The following MITF variants were observed in gnomAD, a reference collection of about 807,000 sequenced individuals.
MITF encodes the protein melanocyte inducing transcription factor.
Under a neutral mutation model 60.5 loss-of-function variants are expected in MITF, and 17 were observed. The ratio of observed to expected loss-of-function variants is 0.28; its 90% CI spans 0.19 to 0.42. The LOEUF is 0.42. MITF is among the 10% of genes least tolerant of loss of function. The probability of loss-of-function intolerance (pLI) is 1.00; values close to 1 mark genes in which losing one functional copy is unlikely to be tolerated. For missense variants in MITF, 622 were observed against 683.5 expected, an observed-to-expected ratio of 0.91 and a Z score of 1.00; for synonymous variants, 260 against 248.5, an observed-to-expected ratio of 1.05 and a Z score of -0.43.
chr3:69,831,812 G>T (rs1428092045), intron 1 of MITF, among the ~76,000 whole-genome samples: 1 of 152,174 alleles, frequency 6.6e-6, no homozygotes, highest in Non-Finnish European at 1.5e-5. Context: ...TTAATCTGGG[G>T]GTTGTGTGCC....
chr3:69,790,094 A>G lies in MITF; in HGVS notation c.104+50393A>G, dbSNP rs75288566. ...ACAATGGAGTATTATTCAGCCTTAA[A>G]AAGGGAGGAAATCCTGTCATATGCC... On this transcript the variant is annotated intron_variant, in intron 1 of 9. Transcript: ENST00000352241. 5.2e-4 allele frequency among the ~76,000 whole-genome samples: 79 copies of G among 152,314 alleles called. No homozygotes were observed. The East Asian group carries it at 0.015, about 29-fold the overall frequency.
At chr3:69,957,974 C>A (rs2066441815) in intron 8 of MITF, among the ~76,000 whole-genome samples, 1 of 152,134 alleles carries the variant, frequency 6.6e-6, no homozygotes, top group African/African-American at 2.4e-5. Flanking sequence ...CCCACCAGAG[C>A]AAGTCTGCAT....
intron 1 of MITF, among the ~76,000 whole-genome samples, chr3:69,871,923 G>A (rs530407809): frequency 1.8e-4 from 28 of 152,158 alleles, no homozygotes; most frequent in Middle Eastern, 3.4e-3. Context: ...TTGCCATGCC[G>A]TATTAATTAC....
At chr3:69,954,829 A>C (rs1304536620) in intron 7 of MITF, among the ~76,000 whole-genome samples, 1 of 152,206 alleles carries the variant, frequency 6.6e-6, no homozygotes, top group African/African-American at 2.4e-5. Flanking sequence ...CCCTCAGCCA[A>C]AACAAACTGC....
intron 1 of MITF, among the ~76,000 whole-genome samples, chr3:69,793,338 AC>A (rs1486755487): frequency 6.6e-6 from 1 of 151,890 alleles, no homozygotes; most frequent in Non-Finnish European, 1.5e-5. Flanking sequence ...TTGCTGATTT[AC>A]CTCTTTGAAT....
intron 1 of MITF, among the ~76,000 whole-genome samples, chr3:69,797,116 G>A (rs549112566): frequency 6.6e-6 from 1 of 152,152 alleles, no homozygotes; most frequent in Non-Finnish European, 1.5e-5. Flanking sequence ...TTAGTCCAGA[G>A]GGTATACCTC....
intron 1 of MITF, among the ~76,000 whole-genome samples, chr3:69,818,299 A>G (rs998517306): frequency 6.6e-6 from 1 of 152,140 alleles, no homozygotes; most frequent in African/African-American, 2.4e-5. Flanking sequence ...ATCCAACTAT[A>G]CTAGACTTTT....
rs773968803 is a variant in MITF, at chr3:69,953,611, G to GTA, written c.955+1737_955+1738dup. On this transcript the variant is annotated intron_variant, in intron 7 of 9. Transcript: ENST00000352241. Reference sequence around the variant, plus strand: ...TGTATATATATATATGTATGTATATGTATATATATATATGTGTGTATATAT... The same window carrying GTA: ...TGTATATATATATATGTATGTATATGTATATATATATATATGTGTGTATATAT... Among the ~76,000 whole-genome samples the GTA allele has an allele frequency of 7.3e-4, 93 of 127,804 alleles. 1 individual carries two copies. Among genetic ancestry groups the GTA allele is most frequent in the Middle Eastern group, 7.8e-3 (2 of 256 alleles). The allele number at this position is 127,804 out of a possible 152,430, so 83.8% of individuals were successfully genotyped here.
At chr3:69,875,612 T>G (rs1181931914) in intron 1 of MITF, among the ~76,000 whole-genome samples, 1 of 152,226 alleles carries the variant, frequency 6.6e-6, no homozygotes, top group Non-Finnish European at 1.5e-5. Context: ...CATCTCTCCT[T>G]GTGTATCATT....
intron 1 of MITF, among the ~76,000 whole-genome samples, chr3:69,816,191 C>T (rs184803646): frequency 6.6e-6 from 1 of 152,234 alleles, no homozygotes; most frequent in Admixed American, 6.5e-5. Flanking sequence ...ACTATTCAGC[C>T]AAAGACTCAG....
At chr3:69,892,334 G>C (rs1035427072) in intron 2 of MITF, among the ~76,000 whole-genome samples, 5 of 152,048 alleles carry the variant, frequency 3.3e-5, no homozygotes, top group African/African-American at 1.2e-4. Flanking sequence ...TAAATTGACC[G>C]GAAGATAAGG....
intron 2 of MITF, among the ~76,000 whole-genome samples, chr3:69,884,084 T>A (rs2064554094): frequency 6.6e-6 from 1 of 152,154 alleles, no homozygotes; most frequent in African/African-American, 2.4e-5. Flanking sequence ...CATAAGGTAA[T>A]TTTCTCTCTC....
In MITF at chr3:69,845,438, C is replaced by CTTTTTTTTT. The variant is rs202135701; in HGVS notation, c.105-33693_105-33692insTTTTTTTTT. ...TCTTTTCTTTTCTTTTTTCTTTTTT[C>CTTTTTTTTT]TTTCTTTTTTTTTTTTTTGCTATTT... On this transcript the variant is annotated intron_variant, in intron 1 of 9. Coordinates refer to ENST00000352241, the MANE Select transcript of MITF (RefSeq NM_001354604.2). Among the ~76,000 whole-genome samples the CTTTTTTTTT allele has an allele frequency of 1.0e-3, 140 of 133,636 alleles. 1 individual carries two copies. The highest frequency in any genetic ancestry group is 1.7e-3 in the Non-Finnish European group (105 of 61,336). The allele number at this position is 133,636 out of a possible 152,430, so 87.7% of individuals were successfully genotyped here.
At position 69,967,704 on chromosome 3, in the gene MITF, G is replaced by A. The variant is rs535915550; in HGVS notation, c.*2456G>A. On this transcript the variant is annotated 3_prime_UTR_variant, in exon 10 of 10. Coordinates refer to ENST00000352241, the MANE Select transcript of MITF (RefSeq NM_001354604.2). ...GCCCAGGAGAATGCTGCAATCTTGGGGGTGGTTTTATTTATTTCTTTTTTG... is the reference window on the plus strand; with the variant it reads ...GCCCAGGAGAATGCTGCAATCTTGGAGGTGGTTTTATTTATTTCTTTTTTG... The A allele has an allele frequency of 4.3e-6, 1 of 232,920 alleles. No individual in the cohort carries two copies. The highest frequency in any genetic ancestry group is 8.5e-6 in the Non-Finnish European group (1 of 117,932). 14.4% of individuals were successfully genotyped at this position (232,920 alleles called of 1,614,324 possible).
chr3:69,839,543 A>G (rs1328976569), intron 1 of MITF, among the ~76,000 whole-genome samples: 1 of 152,036 alleles, frequency 6.6e-6, no homozygotes, highest in Non-Finnish European at 1.5e-5. Context: ...TGCTCTTTCA[A>G]AGGAAGAGTC....
chr3:69,839,384 T>TC (rs1258217124), intron 1 of MITF, among the ~76,000 whole-genome samples: 1 of 151,944 alleles, frequency 6.6e-6, no homozygotes, highest in Non-Finnish European at 1.5e-5. Context: ...GATTTTCTTT[T>TC]TTTTTTTTTT....
chr3:69,965,333 A>T lies in MITF; in HGVS notation c.*85A>T. ...TAACTTACCTGAAGGGGTTTTCTTG[A>T]TAATTTTCCTTTAATATGAAATTTT... is the stretch of plus-strand genomic sequence containing the variant. On this transcript the variant is annotated 3_prime_UTR_variant, in exon 10 of 10. Coordinates refer to ENST00000352241, the MANE Select transcript of MITF (RefSeq NM_001354604.2). The T allele has an allele frequency of 6.8e-7, 1 of 1,475,000 alleles. No individual in the cohort carries two copies. The allele number at this position is 1,475,000 out of a possible 1,614,324, so 91.4% of individuals were successfully genotyped here.
intron 5 of MITF, 140 bp from the exon 6 acceptor site, chr3:69,948,911 C>T: frequency 1.5e-6 from 1 of 689,326 alleles, no homozygotes; most frequent in South Asian, 1.7e-5. Flanking sequence ...GTAAACATCT[C>T]ATATTTTCCT....
At chr3:69,770,922 A>G (rs769907433) in intron 1 of MITF, among the ~76,000 whole-genome samples, 12 of 152,224 alleles carry the variant, frequency 7.9e-5, no homozygotes, top group Non-Finnish European at 1.8e-4. Flanking sequence ...GAAATGTTCT[A>G]GGTGTGGGCT....
Sources: allele counts gnomAD v4.1 joint callset (sites outside exome capture counted in the v4.1 genomes callset), GRCh38; gene constraint gnomAD v4.1.1; transcripts MANE v1.5; gene names NCBI Gene and HGNC (gene_info 2026-07-23, HGNC 2026-07-21).